WAC: variants seen among roughly 807,000 people sequenced by gnomAD.
The protein encoded by WAC is WW domain containing adaptor with coiled-coil.
Under a neutral mutation model 79.6 loss-of-function variants are expected in WAC, and 11 were observed. That is an observed-to-expected ratio of 0.14 (90% confidence interval 0.09 to 0.23). The LOEUF (loss-of-function observed/expected upper bound fraction) is 0.23, where lower values mean the gene tolerates loss of function less well. WAC is among the 10% of genes least tolerant of loss of function. WAC has a pLI of 1.00. For synonymous variants in WAC, 304 were observed against 276.9 expected (o/e 1.10, Z -0.97); for missense variants, 728 against 773.5 (o/e 0.94, Z 0.70).
At chr10:28,559,096 A>G (rs1415627056) in intron 3 of WAC, among the ~76,000 whole-genome samples, 3 of 150,984 alleles carry the variant, frequency 2.0e-5, no homozygotes, top group African/African-American at 7.3e-5. Context: ...TGGGTATGGT[A>G]GACAACAGAT....
At chr10:28,585,792 T>C (rs1329497184) in intron 4 of WAC, among the ~76,000 whole-genome samples, 1 of 152,154 alleles carries the variant, frequency 6.6e-6, no homozygotes, top group Non-Finnish European at 1.5e-5. Context: ...TTTTTTATTT[T>C]GTAAAACACA....
In WAC at chr10:28,620,176, CGT is replaced by C. The variant is rs1228553107; in HGVS notation, c.*575_*576del. ...TTGCAGAGAAATGTTTTTCATTTCC[CGT>C]GTGTTTCCATTTCCTTCTGAAATTC... On this transcript the variant is annotated 3_prime_UTR_variant, in exon 14 of 14. Coordinates refer to ENST00000354911, the MANE Select transcript of WAC (RefSeq NM_016628.5). 2.6e-5 allele frequency: 4 copies of C among 152,522 alleles called. No homozygotes were observed. Among genetic ancestry groups the C allele is most frequent in the African/African-American group, 7.2e-5 (3 of 41,412 alleles). 9.4% of individuals were successfully genotyped at this position (152,522 alleles called of 1,614,324 possible). A position where few individuals can be genotyped will look rare whatever the true frequency, so the allele number is the denominator to read the frequency against.
rs957644486 is a variant in WAC, at chr10:28,614,688, A to G, written c.1556+3A>G. 1.9e-6 allele frequency: 3 copies of G among 1,608,926 alleles called. No homozygotes were observed. The highest frequency in any genetic ancestry group is 2.6e-6 in the Non-Finnish European group (3 of 1,175,632). On this transcript the variant is annotated splice_donor_region_variant and intron_variant, in intron 11 of 13. Coordinates refer to ENST00000354911, the MANE Select transcript of WAC (RefSeq NM_016628.5). ...CCTCGAAGTCTTCAGCGCTCAAGGTAGGTTGATATTGTATATTGAGACCAC... is the reference window on the plus strand; with the variant it reads ...CCTCGAAGTCTTCAGCGCTCAAGGTGGGTTGATATTGTATATTGAGACCAC...
intron 3 of WAC, among the ~76,000 whole-genome samples, chr10:28,568,168 G>A (rs1367867301): frequency 6.6e-6 from 1 of 152,010 alleles, no homozygotes; most frequent in East Asian, 1.9e-4. Flanking sequence ...TGTTATAGAG[G>A]GCAAATACAG....
At chr10:28,535,329 G>A in intron 2 of WAC, 1 of 372,970 alleles carries the variant, frequency 2.7e-6, no homozygotes, top group South Asian at 7.3e-5. Flanking sequence ...TAAGATAATG[G>A]AGTGGGTTTT....
chr10:28,595,313 C>T (rs532336238), intron 6 of WAC, among the ~76,000 whole-genome samples: 1 of 152,154 alleles, frequency 6.6e-6, no homozygotes, highest in Non-Finnish European at 1.5e-5. Context: ...GTGAATAATT[C>T]AGTTATTAAA....
chr10:28,549,604 G>A (rs1007187652), intron 3 of WAC, among the ~76,000 whole-genome samples: 9 of 151,966 alleles, frequency 5.9e-5, no homozygotes, highest in Admixed American at 3.9e-4. Flanking sequence ...TTCTTTACCC[G>A]CAGCTGAGTA....
intron 13 of WAC, 125 bp downstream of exon 13, chr10:28,617,909 C>A: frequency 9.2e-7 from 1 of 1,090,364 alleles, no homozygotes; most frequent in Non-Finnish European, 1.2e-6. Context: ...TGATCACATT[C>A]TATCACTGCA....
intron 3 of WAC, among the ~76,000 whole-genome samples, chr10:28,562,521 T>C (rs189236344): frequency 2.6e-5 from 4 of 152,362 alleles, no homozygotes; most frequent in South Asian, 2.1e-4. Context: ...TGGTCTGGTA[T>C]GTATTGTCTT....
rs1228631138 is a variant in WAC, at chr10:28,621,028, T to C, written c.*1422T>C. ...TGACTTTTTTTTTCCTTTGCTGAAA[T>C]ATTAGTCACATAGCCTTAGCTTCAC... On this transcript the variant is annotated 3_prime_UTR_variant, in exon 14 of 14. Transcript: ENST00000354911. 6.6e-6 allele frequency: 1 copy of C among 152,072 alleles called. No homozygotes were observed. The highest frequency in any genetic ancestry group is 6.6e-5 in the Admixed American group (1 of 15,262). 9.4% of individuals were successfully genotyped at this position (152,072 alleles called of 1,614,324 possible). A position where few individuals can be genotyped will look rare whatever the true frequency, so the allele number is the denominator to read the frequency against.
intron 10 of WAC, 112 bp downstream of exon 10, chr10:28,612,034 G>A (rs2132835676): frequency 3.1e-6 from 4 of 1,308,414 alleles, no homozygotes; most frequent in East Asian, 2.4e-5. Flanking sequence ...TGTAGTGGTG[G>A]AATGAATGAC....
At chr10:28,616,127 C>T in intron 11 of WAC, 46 bp from the exon 12 acceptor site, 1 of 1,427,802 alleles carries the variant, frequency 7.0e-7, no homozygotes, top group East Asian at 2.4e-5. Flanking sequence ...TAAGGATACC[C>T]AGAAACTACT....
At chr10:28,578,363 C>T (rs1839357905) in intron 3 of WAC, among the ~76,000 whole-genome samples, 1 of 152,046 alleles carries the variant, frequency 6.6e-6, no homozygotes, top group African/African-American at 2.4e-5. Flanking sequence ...TATACCTGTT[C>T]CTTCCTTAGT....
At chr10:28,537,331 A>G (rs575709773) in intron 3 of WAC, among the ~76,000 whole-genome samples, 6 of 152,268 alleles carry the variant, frequency 3.9e-5, no homozygotes, top group Admixed American at 1.3e-4. Flanking sequence ...CTCTCTATCA[A>G]CCACTCTTCT....
At chr10:28,563,602 C>T (rs1290679902) in intron 3 of WAC, among the ~76,000 whole-genome samples, 2 of 151,892 alleles carry the variant, frequency 1.3e-5, no homozygotes, top group Non-Finnish European at 1.5e-5. Context: ...TTTTTTGAGA[C>T]GGAGTTTTGC....
chr10:28,556,280 G>C (rs1837980892), intron 3 of WAC, among the ~76,000 whole-genome samples: 1 of 150,998 alleles, frequency 6.6e-6, no homozygotes, highest in African/African-American at 2.4e-5. Context: ...ATAGATCATT[G>C]CAGTTTGATT....
At chr10:28,609,124 G>A (rs1050492726) in intron 8 of WAC, among the ~76,000 whole-genome samples, 4 of 152,188 alleles carry the variant, frequency 2.6e-5, no homozygotes, top group African/African-American at 7.2e-5. Context: ...TAAATTTTTA[G>A]GCCGAGGCGG....
intron 3 of WAC, among the ~76,000 whole-genome samples, chr10:28,556,388 A>ATTTTTTTTTTTTTT (rs764934182): frequency 2.7e-4 from 15 of 55,088 alleles, no homozygotes; most frequent in South Asian, 8.8e-4. Context: ...TGCCCATTAA[A>ATTTTTTTTTTTTTT]TTTTTTTTTT....
intron 4 of WAC, among the ~76,000 whole-genome samples, chr10:28,587,861 C>T (rs1372376902): frequency 1.3e-5 from 2 of 151,678 alleles, no homozygotes; most frequent in African/African-American, 4.8e-5. Flanking sequence ...GGTTTGTGAA[C>T]TTTCTGTCCT....
Sources: allele counts gnomAD v4.1 joint callset (sites outside exome capture counted in the v4.1 genomes callset), GRCh38; gene constraint gnomAD v4.1.1; transcripts MANE v1.5; gene names NCBI Gene and HGNC (gene_info 2026-07-23, HGNC 2026-07-21).